PCDH9: variants seen among roughly 807,000 people sequenced by gnomAD.
The protein encoded by PCDH9 is protocadherin 9.
PCDH9 carries 24 observed loss-of-function variants against 70.6 expected under a neutral mutation model. The ratio of observed to expected loss-of-function variants is 0.34; its 90% CI spans 0.25 to 0.48. The LOEUF (loss-of-function observed/expected upper bound fraction) is 0.48. Ranked by LOEUF, PCDH9 falls within the 20% of genes least tolerant of loss-of-function variation. The pLI, the probability that PCDH9 is intolerant of heterozygous loss-of-function variation, is 0.99. For missense variants in PCDH9, 1,281 were observed against 1,503.6 expected, an observed-to-expected ratio of 0.85 and a Z score of 2.45; for synonymous variants, 562 against 558.5, an observed-to-expected ratio of 1.01 and a Z score of -0.09.
chr13:66,770,555 G>A (rs1331902934), intron 3 of PCDH9, among the ~76,000 whole-genome samples: 1 of 152,104 alleles, frequency 6.6e-6, no homozygotes, highest in Non-Finnish European at 1.5e-5. Flanking sequence ...GGGGCCTCCT[G>A]CCCTCCAACT....
intron 2 of PCDH9, among the ~76,000 whole-genome samples, chr13:67,124,392 G>T (rs1159360891): frequency 6.6e-6 from 1 of 152,118 alleles, no homozygotes; most frequent in Admixed American, 6.6e-5. Context: ...CAATATGTAT[G>T]CAGGAATATG....
Position 67,207,884 on chromosome 13 carries a change from A to C in PCDH9, c.3036+17521T>G, listed in dbSNP as rs370853401. 15 of 152,294 alleles carry C rather than the reference A, an allele frequency of 9.8e-5. No homozygotes were observed. In the East Asian group the frequency reaches 2.7e-3, roughly 27 times the overall value. The allele number at this position is 152,294 out of a possible 1,614,324, so 9.4% of individuals were successfully genotyped here. On this transcript the variant is annotated intron_variant, in intron 2 of 4. Coordinates refer to ENST00000377865, the MANE Select transcript of PCDH9 (RefSeq NM_203487.3). ...CTTTTTCCCTATATAGACTACTCTA[A>C]TACTACAAAGGTTATGTAACATTGC...
chr13:66,368,585 A>ATG lies in PCDH9; in HGVS notation c.3341-63559_3341-63558dup, dbSNP rs542871595. Among the ~76,000 whole-genome samples the ATG allele has an allele frequency of 4.9e-3, 732 of 149,962 alleles. 3 individuals are homozygous for ATG. The highest frequency in any genetic ancestry group is 0.017 in the African/African-American group (686 of 40,098). On this transcript the variant is annotated intron_variant, in intron 4 of 4. Coordinates refer to ENST00000377865, the MANE Select transcript of PCDH9 (RefSeq NM_203487.3). ...TATGTATATTCGTGTATATATATAT[A>ATG]TGTGTGTGTGTGTGTATTTATATAT...
rs1214892500 is a variant in PCDH9, at chr13:67,229,997, C to G, written c.-353G>C. 1 of 152,236 alleles carries G rather than the reference C, an allele frequency of 6.6e-6. No homozygotes were observed. The highest frequency in any genetic ancestry group is 1.5e-5 in the Non-Finnish European group (1 of 68,072). The allele number at this position is 152,236 out of a possible 1,614,324, so 9.4% of individuals were successfully genotyped here. A position where few individuals can be genotyped will look rare whatever the true frequency, so the allele number is the denominator to read the frequency against. On this transcript the variant is annotated 5_prime_UTR_variant, in exon 1 of 5. Transcript: ENST00000377865. ...GTCGTTAGTCATTCTCTCCACATTT[C>G]GTCTCTCTTACCCACTGGGTCTGGG... is the stretch of plus-strand genomic sequence containing the variant.
intron 4 of PCDH9, among the ~76,000 whole-genome samples, chr13:66,460,046 G>GA (rs966762826): frequency 5.1e-4 from 77 of 152,016 alleles, no homozygotes; most frequent in African/African-American, 1.8e-3. Context: ...GGTATCATTT[G>GA]AAAACTCAGT....
At chr13:66,813,131 G>A (rs1352189489) in intron 3 of PCDH9, among the ~76,000 whole-genome samples, 2 of 152,086 alleles carry the variant, frequency 1.3e-5, no homozygotes, top group African/African-American at 2.4e-5. Context: ...GGGACTGACT[G>A]TTCACCAGTA....
chr13:66,977,606 G>A (rs372560945), intron 2 of PCDH9: 7 of 152,110 alleles, frequency 4.6e-5, no homozygotes, highest in Non-Finnish European at 4.4e-5. Flanking sequence ...TTCCGAGCAG[G>A]TGTCTCTTTA....
intron 3 of PCDH9, among the ~76,000 whole-genome samples, chr13:66,695,831 A>AG (rs1317208951): frequency 6.6e-6 from 1 of 152,188 alleles, no homozygotes; most frequent in Non-Finnish European, 1.5e-5. Context: ...TTTAATTATA[A>AG]GGGGATTAGG....
At chr13:67,154,791 G>A (rs57896555) in intron 2 of PCDH9, among the ~76,000 whole-genome samples, 2,334 of 147,524 alleles carry the variant, frequency 0.016, 65 homozygotes, top group African/African-American at 0.053. Flanking sequence ...TGCAACCTCC[G>A]CCTCTGGATC....
At chr13:66,779,052 T>C (rs988045267) in intron 3 of PCDH9, among the ~76,000 whole-genome samples, 1 of 152,196 alleles carries the variant, frequency 6.6e-6, no homozygotes, top group African/African-American at 2.4e-5. Context: ...TCATTTCCAG[T>C]TTATTCTATC....
intron 2 of PCDH9, among the ~76,000 whole-genome samples, chr13:67,059,353 T>C (rs1210113410): frequency 1.6e-5 from 2 of 127,882 alleles, no homozygotes; most frequent in Admixed American, 1.6e-4. Flanking sequence ...TATATATATA[T>C]TATATATATA....
chr13:67,033,454 CT>C (rs1460172453), intron 2 of PCDH9, among the ~76,000 whole-genome samples: 2 of 151,836 alleles, frequency 1.3e-5, no homozygotes, highest in African/African-American at 4.8e-5. Context: ...CCCCTTTTTT[CT>C]TTCTGTACCT....
intron 4 of PCDH9, among the ~76,000 whole-genome samples, chr13:66,506,492 A>G (rs540232766): frequency 4.6e-5 from 7 of 152,336 alleles, no homozygotes; most frequent in African/African-American, 1.7e-4. Context: ...ATAAGAAAGA[A>G]GATCTATTTA....
chr13:66,386,023 A>G (rs983878083), intron 4 of PCDH9, among the ~76,000 whole-genome samples: 2 of 151,590 alleles, frequency 1.3e-5, no homozygotes, highest in Non-Finnish European at 2.9e-5. Flanking sequence ...AAGAAAAAGT[A>G]TCTTTTAGCT....
At chr13:67,194,566 G>C (rs1355203260) in intron 2 of PCDH9, among the ~76,000 whole-genome samples, 1 of 152,102 alleles carries the variant, frequency 6.6e-6, no homozygotes, top group East Asian at 1.9e-4. Flanking sequence ...GGCAGCTTAA[G>C]TTTAAAAGCA....
intron 2 of PCDH9, among the ~76,000 whole-genome samples, chr13:66,996,662 G>A (rs1187804479): frequency 6.6e-6 from 1 of 152,164 alleles, no homozygotes; most frequent in Non-Finnish European, 1.5e-5. Flanking sequence ...CTGACATACA[G>A]TAAGCACACA....
At chr13:66,454,581 T>G (rs1269989734) in intron 4 of PCDH9, among the ~76,000 whole-genome samples, 1 of 152,182 alleles carries the variant, frequency 6.6e-6, no homozygotes, top group Non-Finnish European at 1.5e-5. Flanking sequence ...TCCTTAAACA[T>G]TCACTATCTC....
At chr13:66,871,578 C>T (rs947874799) in intron 3 of PCDH9, among the ~76,000 whole-genome samples, 2 of 151,882 alleles carry the variant, frequency 1.3e-5, no homozygotes, top group Admixed American at 1.3e-4. Flanking sequence ...TATTAATTAT[C>T]ACTTTTTGTG....
chr13:66,517,280 A>C (rs1593608863), intron 4 of PCDH9, among the ~76,000 whole-genome samples: 1 of 152,164 alleles, frequency 6.6e-6, no homozygotes, highest in East Asian at 1.9e-4. Context: ...TAACTGACCG[A>C]TTTATTAAAT....
Sources: allele counts gnomAD v4.1 joint callset (sites outside exome capture counted in the v4.1 genomes callset), GRCh38; gene constraint gnomAD v4.1.1; transcripts MANE v1.5; gene names NCBI Gene and HGNC (gene_info 2026-07-23, HGNC 2026-07-21).